RSPH3: variants seen among roughly 807,000 people sequenced by gnomAD.
RSPH3 encodes radial spoke head 3, also known as radial spoke head protein 3 homolog.
A neutral mutation model predicts 43.8 loss-of-function variants in RSPH3; 21 were observed. That is an observed-to-expected ratio of 0.48 (90% CI 0.34 to 0.69). The LOEUF (loss-of-function observed/expected upper bound fraction) is 0.69, where lower values mean the gene tolerates loss of function less well. Among genes scored for constraint, RSPH3 ranks in the 30% least tolerant of loss-of-function variants. The pLI, the probability that RSPH3 is intolerant of heterozygous loss-of-function variation, is 0.01. For missense variants in RSPH3, 487 were observed against 516.0 expected (o/e 0.94, Z 0.54); for synonymous variants, 173 against 179.8 (o/e 0.96, Z 0.30).
intron 2 of RSPH3, among the ~76,000 whole-genome samples, chr6:158,992,839 A>G (rs1296104439): frequency 6.6e-6 from 1 of 152,170 alleles, no homozygotes; most frequent in East Asian, 1.9e-4. Flanking sequence ...TCATCTCTGT[A>G]TCCTAGGTAC....
intron 2 of RSPH3, among the ~76,000 whole-genome samples, chr6:158,986,934 T>A (rs1244813408): frequency 6.6e-6 from 1 of 152,248 alleles, no homozygotes; most frequent in South Asian, 2.1e-4. Context: ...ATGTGTACTC[T>A]GCAGAAGATG....
chr6:158,987,702 T>C (rs1778280047), intron 2 of RSPH3, among the ~76,000 whole-genome samples: 1 of 152,202 alleles, frequency 6.6e-6, no homozygotes, highest in South Asian at 2.1e-4. Flanking sequence ...TGACAACTTA[T>C]CTTAGATCAC....
At chr6:158,996,522 T>TA (rs1181343990) in intron 1 of RSPH3, among the ~76,000 whole-genome samples, 3 of 152,232 alleles carry the variant, frequency 2.0e-5, no homozygotes, top group African/African-American at 7.2e-5. Flanking sequence ...CATACCTAAG[T>TA]AAAACTTCAC....
Position 158,986,348 on chromosome 6 carries a change from G to A in RSPH3, c.278C>T (p.Ala93Val). The A allele has an allele frequency of 6.2e-7, 1 of 1,614,042 alleles. No homozygotes were observed. Among genetic ancestry groups the A allele is most frequent in the Non-Finnish European group, 8.5e-7 (1 of 1,179,900 alleles). ...TGTTTGTGGTCTGAGCTGCTCTTGG[G>A]CTTGTTTTCTGGCAAGAGCCCTCTT... ...ARKRALARKQ[A>V]QEQLRPQTPE... The change falls in exon 3 of 8, where the codon GCC (alanine) becomes GTC (valine). Residue 93 changes from alanine (A) to valine (V), a missense_variant. Physicochemically the swap from Ala to Val is moderately conservative, Grantham distance 64. Coordinates refer to ENST00000367069, the MANE Select transcript of RSPH3 (RefSeq NM_031924.8).
rs995946258 is a variant in RSPH3 at position 158,975,559 on chromosome 6, G to A, written c.*1979C>T. On this transcript the variant is annotated 3_prime_UTR_variant, in exon 8 of 8. Transcript: ENST00000367069. The stretch of plus-strand genomic sequence containing the variant: ...CTTCATTTAGCTCCACTGCTAGGCT[G>A]TAAAAAACATGTAGTATTCGTGACT... The A allele has an allele frequency of 6.6e-6, 1 of 152,178 alleles. No homozygotes were observed. The highest frequency in any genetic ancestry group is 1.5e-5 in the Non-Finnish European group (1 of 68,034). The allele number at this position is 152,178 out of a possible 1,614,324, so 9.4% of individuals were successfully genotyped here.
intron 2 of RSPH3, among the ~76,000 whole-genome samples, chr6:158,991,764 A>C (rs904502567): frequency 1.3e-5 from 2 of 152,234 alleles, no homozygotes; most frequent in Non-Finnish European, 2.9e-5. Flanking sequence ...GTTCTAATGC[A>C]GGAGATCCAG....
chr6:158,994,049 T>C (rs1037396557), intron 1 of RSPH3, 123 bp from the exon 2 acceptor site: 4 of 562,912 alleles, frequency 7.1e-6, no homozygotes, highest in Non-Finnish European at 1.2e-5. Context: ...TCTGTTTTAG[T>C]GTGGTCCATA....
At position 158,999,422 on chromosome 6, in the gene RSPH3, C is replaced by A; in HGVS notation, c.116+13G>T. On this transcript the variant is annotated intron_variant, in intron 1 of 7. Coordinates refer to ENST00000367069, the MANE Select transcript of RSPH3 (RefSeq NM_031924.8). ...CAAGTATGGACCACACAGGGGCTGGCTTGGTCACTCACGGCTGCGTCAGGC... is the reference window on the plus strand; with the variant it reads ...CAAGTATGGACCACACAGGGGCTGGATTGGTCACTCACGGCTGCGTCAGGC... The A allele has an allele frequency of 6.7e-7, 1 of 1,499,544 alleles. No individual in the cohort carries two copies. 92.9% of individuals were successfully genotyped at this position (1,499,544 alleles called of 1,614,324 possible).
At chr6:158,972,435 G>A (rs770068393), downstream of RSPH3, among the ~76,000 whole-genome samples, 1 of 152,166 alleles carries the variant, frequency 6.6e-6, no homozygotes, top group Non-Finnish European at 1.5e-5. Context: ...GAACTTTAGG[G>A]CGAGATAAAA....
rs1382561301 is a variant in RSPH3 at position 158,975,286 on chromosome 6, A to T, written c.*2252T>A. Reference sequence around the variant, plus strand: ...TTAGGATGATCATAAAGACTGTTTAACAAGATGGAACCAGCCCCATGATGG... The same window carrying T: ...TTAGGATGATCATAAAGACTGTTTATCAAGATGGAACCAGCCCCATGATGG... On this transcript the variant is annotated 3_prime_UTR_variant, in exon 8 of 8. Transcript: ENST00000367069. 1 of 152,212 alleles carries T rather than the reference A, an allele frequency of 6.6e-6. No homozygotes were observed. Among genetic ancestry groups the T allele is most frequent in the Non-Finnish European group, 1.5e-5 (1 of 68,028 alleles). 9.4% of individuals were successfully genotyped at this position (152,212 alleles called of 1,614,324 possible).
intron 3 of RSPH3, among the ~76,000 whole-genome samples, chr6:158,985,779 T>C (rs1425867459): frequency 3.3e-5 from 5 of 151,730 alleles, no homozygotes; most frequent in Non-Finnish European, 5.9e-5. Flanking sequence ...ACTATGATAA[T>C]AGTATATAGT....
downstream of RSPH3, among the ~76,000 whole-genome samples, chr6:158,971,289 T>A (rs1244686897): frequency 2.0e-5 from 3 of 152,250 alleles, no homozygotes; most frequent in Non-Finnish European, 4.4e-5. Flanking sequence ...TCAATCATTT[T>A]TCTTTAATAA....
chr6:158,965,701 T>C, the RSPH3 span, among the ~76,000 whole-genome samples: 1 of 152,160 alleles, frequency 6.6e-6, no homozygotes, highest in Non-Finnish European at 1.5e-5. Context: ...CTTAAAATTC[T>C]GCAACTAAAG....
At chr6:158,964,329 G>T in the RSPH3 span, among the ~76,000 whole-genome samples, 2 of 152,144 alleles carry the variant, frequency 1.3e-5, no homozygotes, top group East Asian at 3.8e-4. Context: ...CAAATCTAAG[G>T]ATCAATGGGA....
At chr6:158,990,317 C>T (rs1778365342) in intron 2 of RSPH3, 1 of 152,240 alleles carries the variant, frequency 6.6e-6, no homozygotes, top group South Asian at 2.1e-4. Context: ...CTACCATCTC[C>T]TTGAAGCTTT....
chr6:158,980,172 C>T (rs567532691), intron 6 of RSPH3, among the ~76,000 whole-genome samples: 57 of 152,330 alleles, frequency 3.7e-4, no homozygotes, highest in African/African-American at 1.3e-3. Flanking sequence ...GAGTGGCTCA[C>T]GCCTCTAATC....
chr6:158,969,969 A>G (rs931502074), downstream of RSPH3, among the ~76,000 whole-genome samples: 2 of 152,142 alleles, frequency 1.3e-5, no homozygotes, highest in African/African-American at 4.8e-5. Context: ...ATAATAGCCA[A>G]TTAAAGTCTT....
At chr6:158,969,151 T>C (rs946855658), downstream of RSPH3, among the ~76,000 whole-genome samples, 1 of 152,230 alleles carries the variant, frequency 6.6e-6, no homozygotes, top group Non-Finnish European at 1.5e-5. Flanking sequence ...CTAGTATCCT[T>C]TCATTTCAGT....
chr6:158,983,917 T>C lies in RSPH3; in HGVS notation c.347-110A>G, dbSNP rs917985752. 3.5e-5 allele frequency: 25 copies of C among 719,772 alleles called. No individual in the cohort carries two copies. In the African/African-American group the frequency reaches 3.9e-4, roughly 11 times the overall value. 44.6% of individuals were successfully genotyped at this position (719,772 alleles called of 1,614,324 possible). ...GGGAGGCCGAGGAGGGTGCATTACT[T>C]GAAGCCAGGAGTTTGAGACCAGCCT... On this transcript the variant is annotated intron_variant, in intron 3 of 7. Coordinates refer to ENST00000367069, the MANE Select transcript of RSPH3 (RefSeq NM_031924.8).
Sources: allele counts gnomAD v4.1 joint callset (sites outside exome capture counted in the v4.1 genomes callset), GRCh38; gene constraint gnomAD v4.1.1; transcripts MANE v1.5; gene names NCBI Gene and HGNC (gene_info 2026-07-23, HGNC 2026-07-21).